The following ANO3 variants were observed in gnomAD, a reference collection of about 807,000 sequenced individuals.
The protein encoded by ANO3 is anoctamin-3.
Under a neutral mutation model 144.8 loss-of-function variants are expected in ANO3, and 99 were observed. That is an observed-to-expected ratio of 0.68 (90% CI 0.58 to 0.81). The LOEUF (loss-of-function observed/expected upper bound fraction) is 0.81, where lower values mean the gene tolerates loss of function less well. Ranked by LOEUF, ANO3 falls within the 30% of genes least tolerant of loss-of-function variation. ANO3 has a pLI of 0.00. For missense variants in ANO3, 905 were observed against 1,202.2 expected (o/e 0.75, Z 3.66); for synonymous variants, 414 against 392.6 (o/e 1.05, Z -0.64).
intron 1 of ANO3, among the ~76,000 whole-genome samples, chr11:26,388,422 T>C (rs1250259914): frequency 6.6e-6 from 1 of 152,146 alleles, no homozygotes; most frequent in Non-Finnish European, 1.5e-5. Flanking sequence ...ACAAAATAGT[T>C]GGTATCAAAT....
At chr11:26,427,680 A>G (rs974165602) in intron 1 of ANO3, among the ~76,000 whole-genome samples, 1 of 152,122 alleles carries the variant, frequency 6.6e-6, no homozygotes, top group Non-Finnish European at 1.5e-5. Flanking sequence ...TACAACTAGT[A>G]ATACTAGTTG....
chr11:26,579,582 A>T (rs1851076558), intron 14 of ANO3, among the ~76,000 whole-genome samples: 1 of 152,244 alleles, frequency 6.6e-6, no homozygotes, highest in Non-Finnish European at 1.5e-5. Flanking sequence ...CAGTTCATAC[A>T]AGCTCTTTAG....
At chr11:26,625,220 C>T (rs1358990433) in intron 18 of ANO3, among the ~76,000 whole-genome samples, 1 of 152,206 alleles carries the variant, frequency 6.6e-6, no homozygotes, top group Non-Finnish European at 1.5e-5. Context: ...CCACTGTGTC[C>T]GGCTACTTTT....
intron 14 of ANO3, chr11:26,565,691 G>A (rs1167994382): frequency 1.2e-6 from 2 of 1,613,088 alleles, no homozygotes; most frequent in East Asian, 2.2e-5. Flanking sequence ...CTTTATCTGA[G>A]TTTAAGTTTG....
chr11:26,498,160 T>C (rs1436301098), intron 4 of ANO3, among the ~76,000 whole-genome samples: 1 of 152,056 alleles, frequency 6.6e-6, no homozygotes, highest in Non-Finnish European at 1.5e-5. Flanking sequence ...AATAAGCATA[T>C]GTGAATCATA....
intron 1 of ANO3, among the ~76,000 whole-genome samples, chr11:26,255,853 T>C (rs1853044840): frequency 6.6e-6 from 1 of 152,124 alleles, no homozygotes; most frequent in South Asian, 2.1e-4. Flanking sequence ...CTTAGCAAAA[T>C]CACAGCAGAT....
At chr11:26,547,305 C>A in intron 11 of ANO3, 111 bp from the exon 12 acceptor site, 1 of 1,048,108 alleles carries the variant, frequency 9.5e-7, no homozygotes, top group South Asian at 1.5e-5. Context: ...TGAGGAGGAA[C>A]TGAGTGTAGC....
At chr11:26,457,901 T>G (rs914027615) in intron 3 of ANO3, among the ~76,000 whole-genome samples, 3 of 152,256 alleles carry the variant, frequency 2.0e-5, no homozygotes, top group African/African-American at 7.2e-5. Flanking sequence ...CTTTTTTTTG[T>G]GAAAATCTGT....
chr11:26,287,121 G>A lies in ANO3; in HGVS notation c.155-22524G>A, dbSNP rs117532745. Among the ~76,000 whole-genome samples the A allele has an allele frequency of 1.8e-4, 27 of 152,248 alleles. 1 individual carries two copies. In the East Asian group the frequency reaches 4.4e-3, roughly 25 times the overall value. ...TACCAAGTCAGAAACTGTGGGGCAGGAGAAAGCCGAATTGATAGAGTGACT... is the reference window on the plus strand; with the variant it reads ...TACCAAGTCAGAAACTGTGGGGCAGAAGAAAGCCGAATTGATAGAGTGACT... On this transcript the variant is annotated intron_variant, in intron 1 of 27. Coordinates refer to the ANO3 transcript ENST00000672621.
At chr11:26,407,066 G>GTATATATATATATA (rs1293298817) in intron 1 of ANO3, among the ~76,000 whole-genome samples, 20 of 57,238 alleles carry the variant, frequency 3.5e-4, no homozygotes, top group South Asian at 7.8e-4. Flanking sequence ...GTGTGTGTGT[G>GTATATATATATATA]TGTGTGTGTG....
At chr11:26,607,955 T>C (rs61878595) in intron 17 of ANO3, among the ~76,000 whole-genome samples, 20,624 of 152,270 alleles carry the variant, frequency 0.14, 1,718 homozygotes, top group South Asian at 0.18. Context: ...TCTCATCCTT[T>C]GTCCAGTTCT....
chr11:26,557,835 C>G (rs1008678297), intron 13 of ANO3, among the ~76,000 whole-genome samples: 12 of 152,160 alleles, frequency 7.9e-5, no homozygotes, highest in African/African-American at 2.9e-4. Context: ...CTGAACATCT[C>G]AAGCTATAAC....
chr11:26,563,179 A>C (rs1429694301), intron 14 of ANO3: 1 of 1,612,632 alleles, frequency 6.2e-7, no homozygotes, highest in South Asian at 1.1e-5. Flanking sequence ...CTTTTTCCAC[A>C]CAACAAGTAG....
At chr11:26,568,225 T>G (rs1169859649) in intron 14 of ANO3, among the ~76,000 whole-genome samples, 1 of 152,052 alleles carries the variant, frequency 6.6e-6, no homozygotes, top group African/African-American at 2.4e-5. Context: ...TTCCATTTAA[T>G]GCTAACCAAA....
intron 1 of ANO3, among the ~76,000 whole-genome samples, chr11:26,325,665 A>G (rs529821759): frequency 6.6e-6 from 1 of 152,292 alleles, no homozygotes; most frequent in South Asian, 2.1e-4. Flanking sequence ...TTTGATTTCA[A>G]ATCCCATTCA....
chr11:26,476,634 C>T (rs552094425), intron 4 of ANO3, among the ~76,000 whole-genome samples: 1 of 150,510 alleles, frequency 6.6e-6, no homozygotes, highest in East Asian at 1.9e-4. Flanking sequence ...ATCACTCTGC[C>T]CCTTTGGGTG....
chr11:26,280,050 A>AT (rs533648960), intron 1 of ANO3, among the ~76,000 whole-genome samples: 7 of 152,262 alleles, frequency 4.6e-5, no homozygotes, highest in African/African-American at 1.4e-4. Context: ...TTATGCTACC[A>AT]TTTTTGATGA....
chr11:26,261,672 CTG>C (rs1284325075), intron 1 of ANO3, among the ~76,000 whole-genome samples: 2 of 152,288 alleles, frequency 1.3e-5, no homozygotes, highest in Admixed American at 1.3e-4. Flanking sequence ...CCAAGGCAAA[CTG>C]TTTCATTTTA....
chr11:26,593,649 G>C (rs947174599), intron 14 of ANO3, among the ~76,000 whole-genome samples: 1 of 152,168 alleles, frequency 6.6e-6, no homozygotes. Context: ...TCATTCCCTG[G>C]GGAAGTGGGC....
Sources: gnomAD v4.1 joint callset for allele counts (sites outside exome capture counted in the v4.1 genomes callset) on GRCh38, gnomAD v4.1.1 for gene constraint, MANE v1.5 for transcripts, NCBI Gene and HGNC (gene_info 2026-07-23, HGNC 2026-07-21) for gene names.